DENND3: variants seen among roughly 807,000 people sequenced by gnomAD.
DENND3 encodes DENN domain-containing protein 3.
DENND3 carries 88 observed loss-of-function variants against 135.1 expected under a neutral mutation model. The observed-to-expected ratio is 0.65, with a 90% confidence interval of 0.55 to 0.78. The LOEUF (loss-of-function observed/expected upper bound fraction) is 0.78, where lower values mean the gene tolerates loss of function less well. Ranked by LOEUF, DENND3 falls within the 30% of genes least tolerant of loss-of-function variation. The pLI is 0.00. For synonymous variants in DENND3, 693 were observed against 712.3 expected (o/e 0.97, Z 0.43); for missense variants, 1,392 against 1,688.4 (o/e 0.82, Z 3.08).
chr8:141,185,458 A>G (rs549048208), intron 18 of DENND3, 180 bp downstream of exon 18: 21 of 738,196 alleles, frequency 2.8e-5, no homozygotes, highest in Non-Finnish European at 4.0e-5. Flanking sequence ...CTTGTTCCAA[A>G]CTTCTACTTA....
intron 17 of DENND3, among the ~76,000 whole-genome samples, chr8:141,183,419 A>ATTTTTTT (rs1224506549): frequency 8.2e-5 from 10 of 121,638 alleles, no homozygotes; most frequent in Non-Finnish European, 1.4e-4. Context: ...CAATTTTTGT[A>ATTTTTTT]TTTTTTTTTT....
chr8:141,128,928 C>T lies in DENND3; in HGVS notation c.102+119C>T. On this transcript the variant is annotated intron_variant, in intron 1 of 22. Transcript: ENST00000519811. The surrounding 1 kb of genome is among the most constrained non-coding windows in gnomAD (Gnocchi z 4.5). ...CGCGGACTTTCCGAGGGCTGAGTCC[C>T]GGTCCCCCGGCGGTGACCCCGCGCG... 1 of 762,856 alleles carries T rather than the reference C, an allele frequency of 1.3e-6. No homozygotes were observed. Among genetic ancestry groups the T allele is most frequent in the East Asian group, 3.5e-5 (1 of 28,624 alleles). 47.3% of individuals were successfully genotyped at this position (762,856 alleles called of 1,614,324 possible). A position where few individuals can be genotyped will look rare whatever the true frequency, so the allele number is the denominator to read the frequency against.
chr8:141,193,764 T>A (rs754773457), intron 22 of DENND3: 33 of 538,354 alleles, frequency 6.1e-5, no homozygotes, highest in Non-Finnish European at 1.3e-5. Flanking sequence ...GTGGCTGTTG[T>A]TTGGTGAGAA....
chr8:141,180,804 C>G lies in DENND3; in HGVS notation c.2894C>G (p.Ser965Trp). 6.2e-7 allele frequency: 1 copy of G among 1,613,484 alleles called. No homozygotes were observed. The highest frequency in any genetic ancestry group is 1.3e-5 in the African/African-American group (1 of 75,048). Residue 965 changes from serine (S) to tryptophan (W), a missense_variant, in exon 17 of 23, where the codon TCG becomes TGG. Physicochemically the swap from Ser to Trp is radical, Grantham distance 177. Coordinates refer to ENST00000519811, the MANE Select transcript of DENND3 (RefSeq NM_001352890.3). ...LETLKHKINPSAGEAFPQAVD... is the reference protein window; with the variant it reads ...LETLKHKINPWAGEAFPQAVD... ...ACACTGAAGCATAAAATCAACCCCTCGGCGGGGGAGGCGTTCCCACAAGCG... is the reference window on the plus strand; with the variant it reads ...ACACTGAAGCATAAAATCAACCCCTGGGCGGGGGAGGCGTTCCCACAAGCG...
In DENND3 at chr8:141,146,514, G is replaced by A. The variant is rs542354771; in HGVS notation, c.735+2255G>A. Among the ~76,000 whole-genome samples the A allele has an allele frequency of 1.3e-5, 2 of 152,270 alleles. No individual in the cohort carries two copies. Among genetic ancestry groups the A allele is most frequent in the South Asian group, 4.1e-4 (2 of 4,830 alleles). ...AGACACCCGTCAAACGTCTCAAAATGTTTAGTAAATGTCGATTCAGTTTCA... is the reference window on the plus strand; with the variant it reads ...AGACACCCGTCAAACGTCTCAAAATATTTAGTAAATGTCGATTCAGTTTCA... On this transcript the variant is annotated intron_variant, in intron 5 of 22. Coordinates refer to ENST00000519811, the MANE Select transcript of DENND3 (RefSeq NM_001352890.3). The surrounding 1 kb of genome is among the most constrained non-coding windows in gnomAD (Gnocchi z 4.3).
At position 141,195,295 on chromosome 8, in the gene DENND3, G is replaced by A. The variant is rs187720188; in HGVS notation, c.*1062G>A. 6 of 152,504 alleles carry A rather than the reference G, an allele frequency of 3.9e-5. No homozygotes were observed. In the East Asian group the frequency reaches 1.2e-3, roughly 29 times the overall value. The allele number at this position is 152,504 out of a possible 1,614,324, so 9.4% of individuals were successfully genotyped here. On this transcript the variant is annotated 3_prime_UTR_variant, in exon 23 of 23. Transcript: ENST00000519811. ...GAGGGAGCGTGTCAGCACGTGCTGA[G>A]GGCATGGGGCCTGCCCCCTGGGCAC...
Position 141,150,867 on chromosome 8 carries a change from C to G in DENND3, c.769C>G (p.Pro257Ala), listed in dbSNP as rs751619785. 2 of 1,608,080 alleles carry G rather than the reference C, an allele frequency of 1.2e-6. No homozygotes were observed. The highest frequency in any genetic ancestry group is 2.2e-5 in the South Asian group (2 of 90,196). ...CATGAAGTCGCTCCAGATTGTGTTA[C>G]CTGCCCGAGCAGACCCCGAAAGCCC... ...FNMKSLQIVL[P>A]ARADPESPIL... The change falls in exon 6 of 23, where the codon CCT (proline) becomes GCT (alanine). Residue 257 changes from proline (P) to alanine (A), a missense_variant. By Grantham distance (27) the Pro-to-Ala change is conservative (BLOSUM62 -1). Coordinates refer to ENST00000519811, the MANE Select transcript of DENND3 (RefSeq NM_001352890.3).
At chr8:141,193,123 C>G in intron 22 of DENND3, 1 of 275,338 alleles carries the variant, frequency 3.6e-6, no homozygotes, top group South Asian at 3.5e-5. Context: ...CTGTGTGTGT[C>G]TCTTATGGGG....
At position 141,174,826 on chromosome 8, in the gene DENND3, A is replaced by T. The variant is rs965019152; in HGVS notation, c.2276-374A>T. On this transcript the variant is annotated intron_variant, in intron 13 of 22. Transcript: ENST00000519811. The surrounding 1 kb of genome is among the most constrained non-coding windows in gnomAD (Gnocchi z 4.6). ...CCCTTGTGACCCCAAGACAGTGGCC[A>T]GCAGTTCTAGTGATGAGGAAGGTCT... is the stretch of plus-strand genomic sequence containing the variant. Among the ~76,000 whole-genome samples the T allele has an allele frequency of 2.0e-5, 3 of 152,218 alleles. No individual in the cohort carries two copies. The highest frequency in any genetic ancestry group is 7.2e-5 in the African/African-American group (3 of 41,460).
intron 1 of DENND3, among the ~76,000 whole-genome samples, chr8:141,133,152 G>A (rs76809099): frequency 0.081 from 12,346 of 152,156 alleles, 707 homozygotes; most frequent in Admixed American, 0.16. Context: ...GTCTGCCCCC[G>A]TGCAGGTGGA....
In DENND3 at chr8:141,128,694, G is replaced by A; in HGVS notation, c.-14G>A. On this transcript the variant is annotated 5_prime_UTR_variant, in exon 1 of 23. Transcript: ENST00000519811. The surrounding 1 kb of genome is among the most constrained non-coding windows in gnomAD (Gnocchi z 4.5). ...GCGCCCGAGTGCGGTACTGGCGGCG[G>A]GCGGCGGGCAGCCATGGCGGAGGCC... The A allele has an allele frequency of 2.2e-6, 3 of 1,378,666 alleles. No individual in the cohort carries two copies. The highest frequency in any genetic ancestry group is 6.2e-5 in the East Asian group (2 of 32,338). 85.4% of individuals were successfully genotyped at this position (1,378,666 alleles called of 1,614,324 possible).
At position 141,167,267 on chromosome 8, in the gene DENND3, C is replaced by T. The variant is rs966389844; in HGVS notation, c.1754-737C>T. Among the ~76,000 whole-genome samples, 5 of 152,222 alleles carry T rather than the reference C, an allele frequency of 3.3e-5. No individual in the cohort carries two copies. Among genetic ancestry groups the T allele is most frequent in the African/African-American group, 1.2e-4 (5 of 41,452 alleles). ...CTTCACCTCCCTGGTTCTGCAGTTCCTCTTCTGAACATCTGTCAGTCTGCC... is the reference window on the plus strand; with the variant it reads ...CTTCACCTCCCTGGTTCTGCAGTTCTTCTTCTGAACATCTGTCAGTCTGCC... On this transcript the variant is annotated intron_variant, in intron 12 of 22. Transcript: ENST00000519811. This position sits in a 1 kb window ranked among gnomAD's most constrained non-coding sequence, Gnocchi z 4.1.
chr8:141,179,488 C>T (rs988249287), intron 16 of DENND3, among the ~76,000 whole-genome samples: 1 of 152,230 alleles, frequency 6.6e-6, no homozygotes, highest in Admixed American at 6.5e-5. Flanking sequence ...CTCCCGCTCC[C>T]TCGTTACAAA....
Position 141,144,471 on chromosome 8 carries a change from C to A in DENND3, c.735+212C>A, listed in dbSNP as rs1207886470. Among the ~76,000 whole-genome samples, 2 of 151,922 alleles carry A rather than the reference C, an allele frequency of 1.3e-5. No homozygotes were observed. The highest frequency in any genetic ancestry group is 2.9e-5 in the Non-Finnish European group (2 of 68,004). ...GAAACCCAAAAAACAGAATGACTGGCCAGAATGGAAGGGAGGTCAGACACG... is the reference window on the plus strand; with the variant it reads ...GAAACCCAAAAAACAGAATGACTGGACAGAATGGAAGGGAGGTCAGACACG... On this transcript the variant is annotated intron_variant, in intron 5 of 22. Transcript: ENST00000519811. This position sits in a 1 kb window ranked among gnomAD's most constrained non-coding sequence, Gnocchi z 4.4.
At chr8:141,171,988 G>T (rs1347651382) in intron 13 of DENND3, among the ~76,000 whole-genome samples, 1 of 151,132 alleles carries the variant, frequency 6.6e-6, no homozygotes, top group African/African-American at 2.4e-5. Flanking sequence ...GGTGTGCATG[G>T]TGGTGGCCGT....
chr8:141,144,348 T>C lies in DENND3; in HGVS notation c.735+89T>C. 8.1e-7 allele frequency: 1 copy of C among 1,229,414 alleles called. No homozygotes were observed. The highest frequency in any genetic ancestry group is 1.1e-6 in the Non-Finnish European group (1 of 892,450). The allele number at this position is 1,229,414 out of a possible 1,614,324, so 76.2% of individuals were successfully genotyped here. A position where few individuals can be genotyped will look rare whatever the true frequency, so the allele number is the denominator to read the frequency against. ...TAATGTAAATGCTCACAACTATTTCTGAAGTTCTAGCTGTTGTAAACCTAA... is the reference window on the plus strand; with the variant it reads ...TAATGTAAATGCTCACAACTATTTCCGAAGTTCTAGCTGTTGTAAACCTAA... On this transcript the variant is annotated intron_variant, in intron 5 of 22. Transcript: ENST00000519811. The surrounding 1 kb of genome is among the most constrained non-coding windows in gnomAD (Gnocchi z 4.4).
intron 8 of DENND3, 127 bp from the exon 9 acceptor site, chr8:141,160,505 C>G: frequency 8.4e-7 from 1 of 1,197,546 alleles, no homozygotes; most frequent in Non-Finnish European, 1.1e-6. Flanking sequence ...AATGACCACC[C>G]GCCCCTCAAA....
chr8:141,129,741 G>C (rs778357699), intron 1 of DENND3: 1 of 152,222 alleles, frequency 6.6e-6, no homozygotes. Context: ...TTTAAATGAC[G>C]CTGGGCTATC....
At chr8:141,184,267 T>A (rs1210466630) in intron 17 of DENND3, among the ~76,000 whole-genome samples, 1 of 152,180 alleles carries the variant, frequency 6.6e-6, no homozygotes, top group African/African-American at 2.4e-5. Context: ...TTTTTATATG[T>A]CATACGTAAT....
Sources: gnomAD v4.1 joint callset for allele counts (sites outside exome capture counted in the v4.1 genomes callset) on GRCh38, gnomAD v4.1.1 for gene constraint, Gnocchi (gnomAD v3.1) non-coding constraint, MANE v1.5 for transcripts, NCBI Gene and HGNC (gene_info 2026-07-23, HGNC 2026-07-21) for gene names.